CLCN5: variants seen among roughly 807,000 people sequenced by gnomAD.
CLCN5 encodes the protein Cl-/H+ antiporter 5, also known as H(+)/Cl(-) exchange transporter 5.
Under a neutral mutation model 54.0 loss-of-function variants are expected in CLCN5, and 17 were observed. The ratio of observed to expected loss-of-function variants is 0.31; its 90% CI spans 0.22 to 0.47. CLCN5 has a LOEUF of 0.47. Among genes scored for constraint, CLCN5 ranks in the 20% least tolerant of loss-of-function variants. CLCN5 has a pLI of 1.00. For synonymous variants in CLCN5, 222 were observed against 233.0 expected (o/e 0.95, Z 0.43); for missense variants, 448 against 646.7 (o/e 0.69, Z 3.33).
intron 3 of CLCN5, among the ~76,000 whole-genome samples, chrX:50,002,101 CT>C (rs75937512): frequency 0.079 from 7,982 of 100,949 alleles, 734 homozygotes; most frequent in African/African-American, 0.26. Flanking sequence ...CTTCAGACTT[CT>C]TTTTTTTTTT....
chrX:49,992,431 G>A, intron 3 of CLCN5, among the ~76,000 whole-genome samples: 1 of 110,577 alleles, frequency 9.0e-6, no homozygotes, highest in Non-Finnish European at 1.9e-5. Flanking sequence ...GGTTTGTAGG[G>A]CTGACATTTT....
At position 50,086,656 on chromosome X, in the gene CLCN5, G is replaced by T; in HGVS notation, c.1343G>T (p.Arg448Leu). Reference protein sequence around the residue: ...AILAFPNEYTRMSTSELISEL... With the variant: ...AILAFPNEYTLMSTSELISEL... ...CTGGCTTTCCCCAATGAATACACTC[G>T]GATGAGCACAAGTGAGCTCATTTCT... is the stretch of plus-strand genomic sequence containing the variant. Residue 448 changes from arginine to leucine, a missense_variant, in exon 11 of 15, where the codon CGG becomes CTG. This residue lies in a region of CLCN5 where 297 missense variants were observed against 470.4 expected (regional missense o/e 0.63). Coordinates refer to ENST00000376091, the MANE Select transcript of CLCN5 (RefSeq NM_001127898.4). 8.3e-7 allele frequency: 1 copy of T among 1,210,491 alleles called. No individual in the cohort carries two copies. Among genetic ancestry groups the T allele is most frequent in the Non-Finnish European group, 1.1e-6 (1 of 895,025 alleles).
chrX:50,075,747 C>G (rs369027631), intron 6 of CLCN5, 48 bp from the exon 7 acceptor site: 5 of 1,105,179 alleles, frequency 4.5e-6, no homozygotes, highest in Non-Finnish European at 6.3e-6. Flanking sequence ...AGAACAGTTT[C>G]CGAGATTCAG....
intron 4 of CLCN5, among the ~76,000 whole-genome samples, chrX:50,064,565 C>T (rs1301531196): frequency 1.0e-4 from 10 of 96,437 alleles, no homozygotes; most frequent in African/African-American, 1.2e-4. Context: ...GAATCAATAT[C>T]GTGAAAATGG....
chrX:50,031,659 G>T (rs1931705697), intron 3 of CLCN5, among the ~76,000 whole-genome samples: 1 of 110,480 alleles, frequency 9.1e-6, no homozygotes, highest in African/African-American at 3.3e-5. Flanking sequence ...AGACATTTGA[G>T]TATTGTGACA....
At chrX:49,948,774 A>G (rs1557172586) in intron 3 of CLCN5, among the ~76,000 whole-genome samples, 1 of 111,799 alleles carries the variant, frequency 8.9e-6, no homozygotes, top group Non-Finnish European at 1.9e-5. Flanking sequence ...TAGTATATTG[A>G]AAACTTTGGT....
intron 3 of CLCN5, among the ~76,000 whole-genome samples, chrX:50,040,037 A>C (rs782170948): frequency 1.6e-4 from 18 of 111,933 alleles, no homozygotes; most frequent in Non-Finnish European, 2.6e-4. Flanking sequence ...CTTCTTCCTG[A>C]ATGACAGGAG....
At chrX:50,067,553 G>A (rs1036003018) in intron 4 of CLCN5, 2 of 747,684 alleles carry the variant, frequency 2.7e-6, no homozygotes, top group South Asian at 1.4e-4. Context: ...GACTCCAACA[G>A]TGACATCACA....
At chrX:50,038,198 A>T (rs1932076909) in intron 3 of CLCN5, among the ~76,000 whole-genome samples, 1 of 111,992 alleles carries the variant, frequency 8.9e-6, no homozygotes, top group African/African-American at 3.2e-5. Flanking sequence ...AAAAATTAGG[A>T]TTTATTTATA....
intron 3 of CLCN5, among the ~76,000 whole-genome samples, chrX:49,928,082 GTATTCAA>G (rs1322072735): frequency 2.7e-5 from 3 of 111,837 alleles, no homozygotes; most frequent in African/African-American, 9.7e-5. Context: ...AAAAGTTTTA[GTATTCAA>G]TAGTACAGTA....
At chrX:50,052,200 A>G (rs1263720862) in intron 4 of CLCN5, among the ~76,000 whole-genome samples, 1 of 111,894 alleles carries the variant, frequency 8.9e-6, no homozygotes, top group Admixed American at 9.5e-5. Context: ...TGAGGAAATT[A>G]TACTTTATTC....
intron 3 of CLCN5, among the ~76,000 whole-genome samples, chrX:49,998,837 A>G (rs1022301524): frequency 9.0e-6 from 1 of 111,281 alleles, no homozygotes; most frequent in African/African-American, 3.3e-5. Flanking sequence ...ATGACACTGC[A>G]AAGGGTTTGC....
chrX:50,065,678 C>G (rs1322048035), intron 4 of CLCN5, among the ~76,000 whole-genome samples: 1 of 100,795 alleles, frequency 9.9e-6, no homozygotes, highest in Non-Finnish European at 2.0e-5. Flanking sequence ...ACCCAAAGGA[C>G]TATAAATCAT....
chrX:50,078,558 A>G (rs1216531799), intron 7 of CLCN5, among the ~76,000 whole-genome samples: 1 of 112,421 alleles, frequency 8.9e-6, no homozygotes, highest in East Asian at 2.8e-4. Flanking sequence ...GTGTGTGTGT[A>G]TGTGCGCGCA....
At chrX:50,040,904 G>C in intron 3 of CLCN5, among the ~76,000 whole-genome samples, 1 of 112,038 alleles carries the variant, frequency 8.9e-6, no homozygotes, top group Non-Finnish European at 1.9e-5. Context: ...TTGAACACAT[G>C]ATTTGGACCT....
intron 3 of CLCN5, among the ~76,000 whole-genome samples, chrX:50,033,042 G>T (rs1395924488): frequency 1.1e-4 from 12 of 110,657 alleles, no homozygotes; most frequent in African/African-American, 4.0e-4. Flanking sequence ...GATATGCGGC[G>T]TTATTTCTGA....
At chrX:49,944,122 C>T in intron 3 of CLCN5, among the ~76,000 whole-genome samples, 1 of 111,620 alleles carries the variant, frequency 9.0e-6, no homozygotes, top group South Asian at 3.8e-4. Flanking sequence ...TCCTTCACAT[C>T]CCTTGTAAGT....
intron 3 of CLCN5, among the ~76,000 whole-genome samples, chrX:49,981,569 A>G (rs1557177692): frequency 9.0e-6 from 1 of 111,131 alleles, no homozygotes; most frequent in East Asian, 2.8e-4. Flanking sequence ...ATATTTATTT[A>G]CTTATTTTTA....
intron 3 of CLCN5, among the ~76,000 whole-genome samples, chrX:49,993,072 T>A (rs1929342570): frequency 9.0e-6 from 1 of 111,417 alleles, no homozygotes; most frequent in Non-Finnish European, 1.9e-5. Context: ...ACTTCTGGCA[T>A]TAGAGGGAGA....
Sources: gnomAD v4.1 joint callset for allele counts (sites outside exome capture counted in the v4.1 genomes callset) on GRCh38, gnomAD v4.1.1 for gene constraint, gnomAD v4.1.1 regional missense constraint, MANE v1.5 for transcripts, NCBI Gene and HGNC (gene_info 2026-07-23, HGNC 2026-07-21) for gene names.